CNTN3: variants seen among roughly 807,000 people sequenced by gnomAD.
CNTN3 encodes the protein contactin 3.
In CNTN3, 60 loss-of-function variants were observed where a neutral mutation model predicts 119.1. That is an observed-to-expected ratio of 0.50 (90% CI 0.41 to 0.62). The LOEUF (loss-of-function observed/expected upper bound fraction) is 0.62, where lower values mean the gene tolerates loss of function less well. Ranked by LOEUF, CNTN3 falls within the 20% of genes least tolerant of loss-of-function variation. The pLI is 0.00. For missense variants in CNTN3, 1,101 were observed against 1,242.4 expected (o/e 0.89, Z 1.71); for synonymous variants, 450 against 438.7 (o/e 1.03, Z -0.32).
At chr3:74,446,921 C>G (rs910148321) in intron 4 of CNTN3, among the ~76,000 whole-genome samples, 1 of 151,934 alleles carries the variant, frequency 6.6e-6, no homozygotes, top group South Asian at 2.1e-4. Flanking sequence ...ATGTTCTGTA[C>G]AAATGTTCCA....
chr3:74,328,006 A>T (rs1703171771), intron 13 of CNTN3, among the ~76,000 whole-genome samples: 2 of 151,778 alleles, frequency 1.3e-5, no homozygotes, highest in Admixed American at 1.3e-4. Context: ...ATATTATATG[A>T]ATTTTATTTG....
chr3:74,584,528 T>C (rs915811364), intron 1 of CNTN3, among the ~76,000 whole-genome samples: 9 of 152,048 alleles, frequency 5.9e-5, no homozygotes, highest in Non-Finnish European at 1.2e-4. Context: ...GTGTCATGAA[T>C]GGAAGCTTCC....
In CNTN3 at chr3:74,558,627, CT is replaced by C. The variant is rs560076373; in HGVS notation, c.-80-37436del. On this transcript the variant is annotated intron_variant, in intron 1 of 22. Coordinates refer to ENST00000263665, the MANE Select transcript of CNTN3 (RefSeq NM_020872.3). ...ATCCACTATTGACTATCTCTTTGCC[CT>C]TCAGTAAATTACTTGACATTTTATA... is the stretch of plus-strand genomic sequence containing the variant. 3.3e-5 allele frequency among the ~76,000 whole-genome samples: 5 copies of C among 152,196 alleles called. No individual in the cohort carries two copies. In the South Asian group the frequency reaches 1.0e-3, roughly 32 times the overall value.
At chr3:74,408,735 C>A (rs77179554) in intron 5 of CNTN3, among the ~76,000 whole-genome samples, 6,516 of 152,114 alleles carry the variant, frequency 0.043, 375 homozygotes, top group African/African-American at 0.13. Context: ...ATCTCCTCTG[C>A]CTTCTTCAGA....
At chr3:74,422,051 C>G (rs1701624055) in intron 5 of CNTN3, among the ~76,000 whole-genome samples, 1 of 152,224 alleles carries the variant, frequency 6.6e-6, no homozygotes, top group Non-Finnish European at 1.5e-5. Context: ...GTATTCCTTA[C>G]ATGAATGTGT....
intron 4 of CNTN3, among the ~76,000 whole-genome samples, chr3:74,433,148 A>G (rs1179959175): frequency 6.6e-6 from 1 of 152,116 alleles, no homozygotes; most frequent in East Asian, 1.9e-4. Context: ...ACAACCATAC[A>G]AAATGTCATC....
chr3:74,492,593 T>C (rs1364640019), intron 3 of CNTN3, among the ~76,000 whole-genome samples: 2 of 152,300 alleles, frequency 1.3e-5, no homozygotes, highest in East Asian at 3.9e-4. Context: ...AAGCATAATA[T>C]ACCTGACATA....
chr3:74,405,851 T>C (rs1183701658), intron 5 of CNTN3, among the ~76,000 whole-genome samples: 6 of 152,106 alleles, frequency 3.9e-5, no homozygotes, highest in Non-Finnish European at 8.8e-5. Flanking sequence ...GGACACTATT[T>C]TAGTTTCAAT....
intron 6 of CNTN3, 22 bp downstream of exon 6, chr3:74,371,174 G>A (rs981783881): frequency 4.4e-6 from 7 of 1,575,970 alleles, no homozygotes; most frequent in Non-Finnish European, 6.1e-6. Context: ...GCTCAGAAGT[G>A]CACTTGGAGA....
At chr3:74,450,832 G>C (rs548483890) in intron 4 of CNTN3, among the ~76,000 whole-genome samples, 1 of 151,906 alleles carries the variant, frequency 6.6e-6, no homozygotes, top group Non-Finnish European at 1.5e-5. Context: ...TCCCTACAAA[G>C]GACATGAACT....
intron 13 of CNTN3, among the ~76,000 whole-genome samples, chr3:74,320,557 T>C (rs768237442): frequency 1.3e-5 from 2 of 152,114 alleles, no homozygotes; most frequent in African/African-American, 2.4e-5. Context: ...TTAGGAGATA[T>C]ACCTAAGGCT....
At chr3:74,385,783 T>G (rs1559575622) in intron 5 of CNTN3, among the ~76,000 whole-genome samples, 3 of 152,226 alleles carry the variant, frequency 2.0e-5, no homozygotes, top group Non-Finnish European at 1.5e-5. Context: ...TTATAAAATA[T>G]GTATGCAGGT....
At chr3:74,578,937 A>G (rs1438425946) in intron 1 of CNTN3, among the ~76,000 whole-genome samples, 1 of 152,098 alleles carries the variant, frequency 6.6e-6, no homozygotes, top group Non-Finnish European at 1.5e-5. Flanking sequence ...ATTAAATGTG[A>G]AGAGAATATC....
chr3:74,456,323 T>C (rs963147507), intron 4 of CNTN3, among the ~76,000 whole-genome samples: 4 of 152,076 alleles, frequency 2.6e-5, no homozygotes, highest in Admixed American at 6.6e-5. Flanking sequence ...CCCTATCATC[T>C]TCCTAGGCCA....
chr3:74,462,013 G>A (rs1353846885), intron 4 of CNTN3, among the ~76,000 whole-genome samples: 1 of 152,070 alleles, frequency 6.6e-6, no homozygotes, highest in Admixed American at 6.6e-5. Context: ...ACTATATTAT[G>A]AGGATCGATC....
chr3:74,499,846 A>G (rs1302623859), intron 2 of CNTN3, 61 bp from the exon 3 acceptor site: 2 of 1,494,710 alleles, frequency 1.3e-6, no homozygotes, highest in Non-Finnish European at 1.8e-6. Context: ...AAAAAGTTAC[A>G]TTCCAGTATT....
intron 4 of CNTN3, among the ~76,000 whole-genome samples, chr3:74,475,590 G>A (rs1702639492): frequency 6.6e-6 from 1 of 152,202 alleles, no homozygotes; most frequent in South Asian, 2.1e-4. Flanking sequence ...TCTCATTGAA[G>A]TTGGTGTAAT....
chr3:74,395,192 T>C (rs1370221821), intron 5 of CNTN3, among the ~76,000 whole-genome samples: 2 of 152,152 alleles, frequency 1.3e-5, no homozygotes, highest in African/African-American at 4.8e-5. Context: ...CTCTCTGTGT[T>C]CCCAGAGTAC....
chr3:74,541,338 C>T (rs918263047), intron 1 of CNTN3, among the ~76,000 whole-genome samples: 2 of 151,980 alleles, frequency 1.3e-5, no homozygotes, highest in African/African-American at 2.4e-5. Flanking sequence ...AAACATAAAC[C>T]GATGTCCTTC....
Sources: allele counts gnomAD v4.1 joint callset (sites outside exome capture counted in the v4.1 genomes callset), GRCh38; gene constraint gnomAD v4.1.1; transcripts MANE v1.5; gene names NCBI Gene and HGNC (gene_info 2026-07-23, HGNC 2026-07-21).